ASIC2: variants seen among roughly 807,000 people sequenced by gnomAD.
ASIC2 encodes the protein acid sensing ion channel subunit 2, also known as acid-sensing ion channel 2.
ASIC2 carries 25 observed loss-of-function variants against 57.3 expected under a neutral mutation model. The ratio of observed to expected loss-of-function variants is 0.44; its 90% CI spans 0.32 to 0.61. The LOEUF (loss-of-function observed/expected upper bound fraction) is 0.61. Among genes scored for constraint, ASIC2 ranks in the 20% least tolerant of loss-of-function variants. The pLI is 0.06. For synonymous variants in ASIC2, 319 were observed against 307.5 expected (o/e 1.04, Z -0.39); for missense variants, 641 against 738.1 (o/e 0.87, Z 1.52).
At chr17:33,477,433 C>G (rs566285878) in intron 1 of ASIC2, among the ~76,000 whole-genome samples, 1 of 152,310 alleles carries the variant, frequency 6.6e-6, no homozygotes, top group African/African-American at 2.4e-5. Flanking sequence ...GGCTATGGGG[C>G]TTGAACTAAC....
chr17:33,703,321 C>CTTTTTCTTT (rs10627497), intron 1 of ASIC2, among the ~76,000 whole-genome samples: 2 of 143,548 alleles, frequency 1.4e-5, no homozygotes, highest in African/African-American at 2.6e-5. Context: ...GTTTCTTTTT[C>CTTTTTCTTT]TTTTTTTTTT....
intron 1 of ASIC2, among the ~76,000 whole-genome samples, chr17:34,088,767 C>T (rs1015472349): frequency 6.6e-6 from 1 of 152,262 alleles, no homozygotes. Context: ...AGCCTCGCTG[C>T]AGCCTTGCAG....
chr17:33,439,266 G>A (rs566366835), intron 1 of ASIC2, among the ~76,000 whole-genome samples: 1 of 152,174 alleles, frequency 6.6e-6, no homozygotes, highest in Admixed American at 6.5e-5. Context: ...GGAGTGAAAG[G>A]GGACAAGGCC....
At chr17:33,649,308 G>T (rs1352885429) in intron 1 of ASIC2, among the ~76,000 whole-genome samples, 2 of 152,106 alleles carry the variant, frequency 1.3e-5, no homozygotes, top group African/African-American at 4.8e-5. Flanking sequence ...ATTTACAATT[G>T]CTCAAAAAAT....
At chr17:33,266,037 C>T (rs1337574204) in intron 1 of ASIC2, among the ~76,000 whole-genome samples, 2 of 152,134 alleles carry the variant, frequency 1.3e-5, no homozygotes, top group Non-Finnish European at 2.9e-5. Flanking sequence ...TCCTTCCCAC[C>T]CAGAGCCTTT....
intron 1 of ASIC2, among the ~76,000 whole-genome samples, chr17:33,705,430 G>T (rs56311925): frequency 2.0e-3 from 302 of 152,250 alleles, no homozygotes; most frequent in Non-Finnish European, 3.2e-3. Flanking sequence ...TTTGGAAAAA[G>T]AATCTTTGCA....
At chr17:33,449,830 A>C (rs1912180770) in intron 1 of ASIC2, among the ~76,000 whole-genome samples, 1 of 151,694 alleles carries the variant, frequency 6.6e-6, no homozygotes, top group Non-Finnish European at 1.5e-5. Context: ...GCTGAAGTGC[A>C]GTGGCACAAT....
intron 1 of ASIC2, among the ~76,000 whole-genome samples, chr17:33,510,394 G>A (rs1434730502): frequency 6.6e-6 from 1 of 152,192 alleles, no homozygotes; most frequent in East Asian, 1.9e-4. Context: ...GCTCATGCCT[G>A]TAATCCCAGC....
chr17:33,540,882 C>T (rs1915387179), intron 1 of ASIC2, among the ~76,000 whole-genome samples: 1 of 152,232 alleles, frequency 6.6e-6, no homozygotes, highest in Non-Finnish European at 1.5e-5. Flanking sequence ...ATGTGCTTTT[C>T]ACACATTTCA....
At chr17:33,490,587 G>A (rs979286511) in intron 1 of ASIC2, among the ~76,000 whole-genome samples, 2 of 152,150 alleles carry the variant, frequency 1.3e-5, no homozygotes, top group East Asian at 1.9e-4. Flanking sequence ...TTATAAAGCG[G>A]GGTCTCCTGC....
At chr17:34,145,757 G>A (rs533955213) in intron 1 of ASIC2, among the ~76,000 whole-genome samples, 58 of 152,284 alleles carry the variant, frequency 3.8e-4, no homozygotes, top group African/African-American at 1.3e-3. Context: ...TCTTTCATAC[G>A]CTCCTCATCG....
intron 7 of ASIC2, among the ~76,000 whole-genome samples, chr17:33,020,301 A>G (rs916116753): frequency 1.3e-5 from 2 of 152,008 alleles, no homozygotes; most frequent in East Asian, 3.9e-4. Context: ...GTTTTATTAA[A>G]CCCATCTTGC....
rs1029801875 is a variant in ASIC2 at position 34,036,013 on chromosome 17, C to T, written c.555+119965G>A. The stretch of plus-strand genomic sequence containing the variant: ...ATCTTGAACTAGAAATACCATTTGA[C>T]CCAGCCATCCCATAATCCAAAGGAT... On this transcript the variant is annotated intron_variant, in intron 1 of 9. Coordinates refer to the ASIC2 transcript ENST00000359872. Among the ~76,000 whole-genome samples, 20 of 152,168 alleles carry T rather than the reference C, an allele frequency of 1.3e-4. No individual in the cohort carries two copies. The South Asian group carries it at 1.5e-3, about 11-fold the overall frequency.
At chr17:33,280,615 A>G (rs1326660431) in intron 1 of ASIC2, among the ~76,000 whole-genome samples, 2 of 152,252 alleles carry the variant, frequency 1.3e-5, no homozygotes, top group Non-Finnish European at 2.9e-5. Flanking sequence ...AGGGCTATGC[A>G]ATCTGACAGG....
At chr17:33,942,252 T>C (rs1285104135) in intron 1 of ASIC2, among the ~76,000 whole-genome samples, 1 of 152,104 alleles carries the variant, frequency 6.6e-6, no homozygotes, top group African/African-American at 2.4e-5. Flanking sequence ...ATAGGTGGGT[T>C]CCTGCAGCAG....
chr17:33,234,430 C>T (rs984411101), intron 1 of ASIC2, among the ~76,000 whole-genome samples: 1 of 152,250 alleles, frequency 6.6e-6, no homozygotes, highest in East Asian at 1.9e-4. Context: ...GGAAGTGCAG[C>T]GGCAGACCCT....
chr17:33,072,139 G>A (rs1015180163), intron 3 of ASIC2, among the ~76,000 whole-genome samples: 1 of 152,126 alleles, frequency 6.6e-6, no homozygotes, highest in Non-Finnish European at 1.5e-5. Context: ...CCTTGACTCA[G>A]GGAGTCACTG....
At chr17:34,087,322 A>G (rs1910147417) in intron 1 of ASIC2, among the ~76,000 whole-genome samples, 2 of 151,908 alleles carry the variant, frequency 1.3e-5, no homozygotes, top group East Asian at 1.9e-4. Context: ...TGGACATGAA[A>G]TTCTGGGTTG....
At chr17:33,538,278 C>T (rs1432841793) in intron 1 of ASIC2, among the ~76,000 whole-genome samples, 4 of 152,108 alleles carry the variant, frequency 2.6e-5, no homozygotes, top group East Asian at 1.9e-4. Context: ...TAGGTCTCAT[C>T]GCATACCCCT....
Sources: gnomAD v4.1 joint callset for allele counts (sites outside exome capture counted in the v4.1 genomes callset) on GRCh38, gnomAD v4.1.1 for gene constraint, MANE v1.5 for transcripts, NCBI Gene and HGNC (gene_info 2026-07-23, HGNC 2026-07-21) for gene names.